TRPV4: variants seen among roughly 807,000 people sequenced by gnomAD.
TRPV4 encodes the protein OSM9-like transient receptor potential channel 4.
A neutral mutation model predicts 84.1 loss-of-function variants in TRPV4; 58 were observed. The ratio of observed to expected loss-of-function variants is 0.69; its 90% CI spans 0.56 to 0.86. TRPV4 has a LOEUF of 0.86. TRPV4 is among the 40% of genes least tolerant of loss of function. The pLI is 0.00. For missense variants in TRPV4, 879 were observed against 1,181.1 expected (o/e 0.74, Z 3.75); for synonymous variants, 489 against 500.9 (o/e 0.98, Z 0.32).
rs1000602737 is a variant in TRPV4, at chr12:109,784,437, C to A, written c.2337G>T (p.Arg779Ser). The change falls in exon 15 of 16, where the codon AGG becomes AGT. Residue 779 changes from arginine (R) to serine (S), a missense_variant and splice_region_variant. Arg to Ser is a moderately radical substitution (Grantham distance 110). Transcript: ENST00000261740. ...AGTGAGACCAGTTCACCTCATCCACCCTGGCAGGGCCCAAGCAGAGGGTCA... is the reference window on the plus strand; with the variant it reads ...AGTGAGACCAGTTCACCTCATCCACACTGGCAGGGCCCAAGCAGAGGGTCA... Reference protein sequence around the residue: ...DGTPDRRWCFRVDEVNWSHWN... With the variant: ...DGTPDRRWCFSVDEVNWSHWN... The A allele has an allele frequency of 3.1e-6, 5 of 1,614,130 alleles. No individual in the cohort carries two copies. Among genetic ancestry groups the A allele is most frequent in the Non-Finnish European group, 4.2e-6 (5 of 1,180,016 alleles).
In TRPV4 at chr12:109,815,580, C is replaced by A. The variant is rs1298471136; in HGVS notation, c.-31-753G>T. Among the ~76,000 whole-genome samples the A allele has an allele frequency of 6.6e-6, 1 of 152,242 alleles. No individual in the cohort carries two copies. Among genetic ancestry groups the A allele is most frequent in the East Asian group, 1.9e-4 (1 of 5,196 alleles). On this transcript the variant is annotated intron_variant, in intron 1 of 15. Transcript: ENST00000261740. The surrounding 1 kb of genome is among the most constrained non-coding windows in gnomAD (Gnocchi z 4.1). ...ACCTTTGCTGGTCAACTCCTCCCCACTGGTGTTCCAGCTCAACTGGGCTCC... is the reference window on the plus strand; with the variant it reads ...ACCTTTGCTGGTCAACTCCTCCCCAATGGTGTTCCAGCTCAACTGGGCTCC...
chr12:109,800,484 G>A, intron 5 of TRPV4, 134 bp downstream of exon 5: 1 of 1,151,294 alleles, frequency 8.7e-7, no homozygotes, highest in Middle Eastern at 2.0e-4. Context: ...GGTCCAGAGT[G>A]CTGCCTGCGC....
At chr12:109,822,807 T>C (rs1010304220) in intron 1 of TRPV4, among the ~76,000 whole-genome samples, 3 of 152,096 alleles carry the variant, frequency 2.0e-5, no homozygotes, top group Non-Finnish European at 2.9e-5. Flanking sequence ...GGAACTGTCG[T>C]GAGGGTTACA....
chr12:109,814,819 C>T lies in TRPV4; in HGVS notation c.-23G>A. 6.5e-7 allele frequency: 1 copy of T among 1,535,850 alleles called. No individual in the cohort carries two copies. The highest frequency in any genetic ancestry group is 8.7e-7 in the Non-Finnish European group (1 of 1,146,694). On this transcript the variant is annotated 5_prime_UTR_variant, in exon 2 of 16. It adds an upstream start codon to the 5' untranslated region. Coordinates refer to ENST00000261740, the MANE Select transcript of TRPV4 (RefSeq NM_021625.5). The surrounding 1 kb of genome is among the most constrained non-coding windows in gnomAD (Gnocchi z 5.4). ...CATGCCTGCCCCAGGCCCGTCTGCA[C>T]TGCTCAGCCTGCAAGGGAATGAAAG...
At chr12:109,800,895 A>C (rs1592842895) in intron 4 of TRPV4, 137 bp from the exon 5 acceptor site, 2 of 804,310 alleles carry the variant, frequency 2.5e-6, no homozygotes, top group South Asian at 2.9e-5. Flanking sequence ...GCGACACCCA[A>C]GGGCAGCAAA....
intron 1 of TRPV4, among the ~76,000 whole-genome samples, chr12:109,831,215 A>G (rs1391705343): frequency 6.6e-6 from 1 of 152,180 alleles, no homozygotes; most frequent in Non-Finnish European, 1.5e-5. Context: ...GGTAAAAGTC[A>G]TATCTCTGCT....
rs901911132 is a variant in TRPV4, at chr12:109,796,440, T to C, written c.1332+85A>G. The stretch of plus-strand genomic sequence containing the variant: ...TTGGGTCCTAGAGGCTGGGGCTGTC[T>C]CCCCCAGCCCAGCCCCAGGGCCCTG... On this transcript the variant is annotated intron_variant, in intron 7 of 15. Transcript: ENST00000261740. The surrounding 1 kb of genome is among the most constrained non-coding windows in gnomAD (Gnocchi z 4.2). 7.9e-6 allele frequency: 12 copies of C among 1,510,652 alleles called. No individual in the cohort carries two copies. The highest frequency in any genetic ancestry group is 4.1e-5 in the African/African-American group (3 of 72,322). 93.6% of individuals were successfully genotyped at this position (1,510,652 alleles called of 1,614,324 possible). A position where few individuals can be genotyped will look rare whatever the true frequency, so the allele number is the denominator to read the frequency against.
chr12:109,783,924 G>A lies in TRPV4; in HGVS notation c.2459-146C>T. The A allele has an allele frequency of 1.9e-6, 2 of 1,029,076 alleles. No individual in the cohort carries two copies. The highest frequency in any genetic ancestry group is 5.2e-5 in the East Asian group (2 of 38,774). The allele number at this position is 1,029,076 out of a possible 1,614,324, so 63.7% of individuals were successfully genotyped here. ...TCATTTTACAGAGGTGGAAACTGGG[G>A]CTCAAGAGAGGTCAAGGTGCCTCCC... On this transcript the variant is annotated intron_variant, in intron 15 of 15. Coordinates refer to ENST00000261740, the MANE Select transcript of TRPV4 (RefSeq NM_021625.5). This position sits in a 1 kb window ranked among gnomAD's most constrained non-coding sequence, Gnocchi z 4.6.
intron 4 of TRPV4, 35 bp downstream of exon 4, chr12:109,802,956 C>T: frequency 6.2e-7 from 1 of 1,610,636 alleles, no homozygotes; most frequent in South Asian, 1.1e-5. Flanking sequence ...TCTCCATCAG[C>T]CCCCGTGGCA....
In TRPV4 at chr12:109,784,340, G is replaced by A. The variant is rs774117577; in HGVS notation, c.2434C>T (p.His812Tyr). ...CCCCTGCGGAGGCGGCCCACGGTAT[G>A]CGAGAAGCCATAATACTGGTAGGTC... ...NETYQYYGFS[H>Y]TVGRLRRDRW... is the part of the protein sequence containing the mutation. The change falls in exon 15 of 16, where the codon CAT (histidine) becomes TAT (tyrosine). Residue 812 changes from histidine to tyrosine, a missense_variant. By Grantham distance (83) the His-to-Tyr change is moderately conservative (BLOSUM62 2). Coordinates refer to ENST00000261740, the MANE Select transcript of TRPV4 (RefSeq NM_021625.5). 6.2e-7 allele frequency: 1 copy of A among 1,614,190 alleles called. No homozygotes were observed. Among genetic ancestry groups the A allele is most frequent in the Non-Finnish European group, 8.5e-7 (1 of 1,180,044 alleles).
In TRPV4 at chr12:109,800,675, C is replaced by T. The variant is rs752366465; in HGVS notation, c.796G>A (p.Ala266Thr). ...TGGAAGAAGCGCCCACGGGCCTGGG[C>T]GTGGACATCAGCTCCCTGGGCCACG... is the stretch of plus-strand genomic sequence containing the variant. ...LLVAQGADVH[A>T]QARGRFFQPK... Residue 266 changes from alanine to threonine, a missense_variant, in exon 5 of 16, where the codon GCC (alanine) becomes ACC (threonine). Physicochemically the swap from Ala to Thr is moderately conservative, Grantham distance 58. Coordinates refer to ENST00000261740, the MANE Select transcript of TRPV4 (RefSeq NM_021625.5). 5.6e-6 allele frequency: 9 copies of T among 1,614,178 alleles called. No individual in the cohort carries two copies. The East Asian group carries it at 1.1e-4, about 20-fold the overall frequency.
At chr12:109,812,674 G>C (rs1891592720) in intron 2 of TRPV4, among the ~76,000 whole-genome samples, 1 of 152,210 alleles carries the variant, frequency 6.6e-6, no homozygotes, top group Non-Finnish European at 1.5e-5. Flanking sequence ...CAGCAGGCAG[G>C]TGAGCAATCA....
At position 109,784,397 on chromosome 12, in the gene TRPV4, C is replaced by T; in HGVS notation, c.2377G>A (p.Gly793Ser). 1 of 1,614,128 alleles carries T rather than the reference C, an allele frequency of 6.2e-7. No individual in the cohort carries two copies. Among genetic ancestry groups the T allele is most frequent in the South Asian group, 1.1e-5 (1 of 91,080 alleles). The change falls in exon 15 of 16, where the codon GGC (glycine) becomes AGC (serine). Residue 793 changes from glycine to serine, a missense_variant. This residue lies in a region of TRPV4 where 242 missense variants were observed against 355.3 expected (regional missense o/e 0.68). Coordinates refer to ENST00000261740, the MANE Select transcript of TRPV4 (RefSeq NM_021625.5). ...VNWSHWNQNL[G>S]IINEDPGKNE... Reference sequence around the variant, plus strand: ...TTGCCCGGGTCCTCGTTGATGATGCCCAAGTTCTGGTTCCAGTGAGACCAG... The same window carrying T: ...TTGCCCGGGTCCTCGTTGATGATGCTCAAGTTCTGGTTCCAGTGAGACCAG...
intron 1 of TRPV4, among the ~76,000 whole-genome samples, chr12:109,833,025 G>A (rs1892457489): frequency 6.6e-6 from 1 of 152,128 alleles, no homozygotes; most frequent in South Asian, 2.1e-4. Flanking sequence ...TCCTAAGGTG[G>A]GCTGCAAGGC....
At position 109,798,711 on chromosome 12, in the gene TRPV4, T is replaced by C. The variant is rs1890580070; in HGVS notation, c.1055A>G (p.Lys352Arg). 1 of 1,614,026 alleles carries C rather than the reference T, an allele frequency of 6.2e-7. No homozygotes were observed. Among genetic ancestry groups the C allele is most frequent in the East Asian group, 2.2e-5 (1 of 44,878 alleles). The change falls in exon 6 of 16, where the codon AAG becomes AGG. Residue 352 changes from lysine (K) to arginine (R), a missense_variant. Physicochemically the swap from Lys to Arg is conservative, Grantham distance 26. Around this residue, in one of 4 missense-constraint regions of TRPV4, gnomAD observed 521 missense variants for 686.6 expected, o/e 0.76. Transcript: ENST00000261740. The surrounding 1 kb of genome is among the most constrained non-coding windows in gnomAD (Gnocchi z 5.0). ...VTKMYDLLLL[K>R]CARLFPDSNL... ...GCTGTCGGGGAAGAGGCGGGCACACTTGAGCAGCAGCAGGTCGTACATCTT... is the reference window on the plus strand; with the variant it reads ...GCTGTCGGGGAAGAGGCGGGCACACCTGAGCAGCAGCAGGTCGTACATCTT...
chr12:109,810,167 G>T (rs1286015873), intron 2 of TRPV4, among the ~76,000 whole-genome samples: 1 of 152,254 alleles, frequency 6.6e-6, no homozygotes, highest in East Asian at 1.9e-4. Flanking sequence ...TTATGTGCTA[G>T]GTTCTGAGAG....
chr12:109,807,519 T>G (rs1891225484), intron 3 of TRPV4, among the ~76,000 whole-genome samples: 1 of 151,850 alleles, frequency 6.6e-6, no homozygotes, highest in African/African-American at 2.4e-5. Context: ...GTGCTGGGAT[T>G]ACAGGTGTGA....
intron 1 of TRPV4, among the ~76,000 whole-genome samples, chr12:109,820,004 A>T (rs1161040718): frequency 6.6e-6 from 1 of 152,218 alleles, no homozygotes; most frequent in Non-Finnish European, 1.5e-5. Context: ...AAGAATCTGC[A>T]TCTTCCTCTG....
chr12:109,820,831 C>T (rs187512720), intron 1 of TRPV4, among the ~76,000 whole-genome samples: 391 of 152,258 alleles, frequency 2.6e-3, no homozygotes, highest in African/African-American at 9.1e-3. Flanking sequence ...CCCTCAGCTG[C>T]CCTATTAAGG....
Sources: gnomAD v4.1 joint callset for allele counts (sites outside exome capture counted in the v4.1 genomes callset) on GRCh38, gnomAD v4.1.1 for gene constraint, gnomAD v4.1.1 regional missense constraint, Gnocchi (gnomAD v3.1) non-coding constraint, MANE v1.5 for transcripts, NCBI Gene and HGNC (gene_info 2026-07-23, HGNC 2026-07-21) for gene names.